The following BCKDHB variants were observed in gnomAD, a reference collection of about 807,000 sequenced individuals.
BCKDHB encodes branched chain keto acid dehydrogenase E1 subunit beta, also known as 2-oxoisovalerate dehydrogenase subunit beta, mitochondrial.
Under a neutral mutation model 48.5 loss-of-function variants are expected in BCKDHB, and 41 were observed. The ratio of observed to expected loss-of-function variants is 0.85; its 90% CI spans 0.66 to 1.10. The LOEUF (loss-of-function observed/expected upper bound fraction) is 1.10. Ranked by LOEUF, BCKDHB falls within the 50% of genes least tolerant of loss-of-function variation. The probability of loss-of-function intolerance (pLI) is 0.00; values close to 1 mark genes in which losing one functional copy is unlikely to be tolerated. For missense variants in BCKDHB, 496 were observed against 494.2 expected, an observed-to-expected ratio of 1.00 and a Z score of -0.03; for synonymous variants, 201 against 174.8, an observed-to-expected ratio of 1.15 and a Z score of -1.18.
chr6:80,289,620 G>A (rs768216248), intron 9 of BCKDHB, among the ~76,000 whole-genome samples: 4 of 152,072 alleles, frequency 2.6e-5, no homozygotes, highest in Admixed American at 6.5e-5. Context: ...TCCCAGCCCC[G>A]AATGGCTCTT....
At chr6:80,198,495 A>G (rs972719331) in intron 6 of BCKDHB, among the ~76,000 whole-genome samples, 1 of 152,206 alleles carries the variant, frequency 6.6e-6, no homozygotes, top group Non-Finnish European at 1.5e-5. Flanking sequence ...GCTCTCACTG[A>G]CACTGATTAT....
the BCKDHB span, among the ~76,000 whole-genome samples, chr6:80,424,614 C>T: frequency 6.6e-6 from 1 of 152,004 alleles, no homozygotes; most frequent in African/African-American, 2.4e-5. Context: ...CCATAAGACC[C>T]CCATTCTTGA....
chr6:80,451,824 G>T, the BCKDHB span, among the ~76,000 whole-genome samples: 1 of 152,052 alleles, frequency 6.6e-6, no homozygotes, highest in East Asian at 1.9e-4. Context: ...TCCTGGGCCA[G>T]TCTTTTCAAG....
intron 8 of BCKDHB, among the ~76,000 whole-genome samples, chr6:80,225,830 A>C (rs913911303): frequency 2.0e-5 from 3 of 152,210 alleles, no homozygotes; most frequent in Non-Finnish European, 4.4e-5. Context: ...CATTTGGTGC[A>C]ATACAACTAG....
the BCKDHB span, among the ~76,000 whole-genome samples, chr6:80,378,612 A>G: frequency 8.5e-5 from 13 of 152,132 alleles, no homozygotes; most frequent in East Asian, 1.9e-3. Flanking sequence ...AGTGCAGGTT[A>G]TTTTGTATAT....
intron 3 of BCKDHB, among the ~76,000 whole-genome samples, chr6:80,136,731 T>C (rs1013881821): frequency 6.6e-6 from 1 of 151,910 alleles, no homozygotes; most frequent in East Asian, 1.9e-4. Context: ...CCAGAATATA[T>C]GGAGAACTTC....
At chr6:80,112,464 C>A (rs1769459826) in intron 1 of BCKDHB, among the ~76,000 whole-genome samples, 1 of 152,200 alleles carries the variant, frequency 6.6e-6, no homozygotes, top group African/African-American at 2.4e-5. Flanking sequence ...GCACCTCCAT[C>A]CCACCTTCCC....
At chr6:80,181,655 C>CT (rs1773418232) in intron 6 of BCKDHB, among the ~76,000 whole-genome samples, 1 of 152,204 alleles carries the variant, frequency 6.6e-6, no homozygotes, top group Admixed American at 6.5e-5. Flanking sequence ...TGCGGGCTGG[C>CT]TCAAGCTTGT....
At chr6:80,459,220 G>T in the BCKDHB span, among the ~76,000 whole-genome samples, 1 of 152,122 alleles carries the variant, frequency 6.6e-6, no homozygotes, top group East Asian at 1.9e-4. Flanking sequence ...CCAAGATGTG[G>T]AAACTATCCA....
At chr6:80,256,337 G>T (rs1777049295) in intron 8 of BCKDHB, among the ~76,000 whole-genome samples, 1 of 152,120 alleles carries the variant, frequency 6.6e-6, no homozygotes, top group Non-Finnish European at 1.5e-5. Flanking sequence ...AGGCTATATG[G>T]TATAGCCTAC....
At chr6:80,459,310 G>A in the BCKDHB span, among the ~76,000 whole-genome samples, 1 of 152,176 alleles carries the variant, frequency 6.6e-6, no homozygotes, top group Admixed American at 6.5e-5. Context: ...TTAACAAGAA[G>A]GAAATTCTTT....
At chr6:80,369,178 C>T in the BCKDHB span, among the ~76,000 whole-genome samples, 1 of 147,538 alleles carries the variant, frequency 6.8e-6, no homozygotes. Context: ...CTTGATATTT[C>T]CAGTGCTTCC....
intron 6 of BCKDHB, among the ~76,000 whole-genome samples, chr6:80,192,092 T>G (rs1180187248): frequency 6.6e-6 from 1 of 152,202 alleles, no homozygotes; most frequent in Non-Finnish European, 1.5e-5. Flanking sequence ...TATGTCTGTG[T>G]CAGTGTGATA....
rs565995087 is a variant in BCKDHB, at chr6:80,184,159, G to A, written c.742+12769G>A. On this transcript the variant is annotated intron_variant, in intron 6 of 9. Coordinates refer to ENST00000320393, the MANE Select transcript of BCKDHB (RefSeq NM_183050.4). ...TTAGATGCATATTATTTAGGATTGT[G>A]ATATTTTCCTGTTGGAGTAGTCCTT... Among the ~76,000 whole-genome samples the A allele has an allele frequency of 2.0e-4, 31 of 152,254 alleles. No homozygotes were observed. The South Asian group carries it at 6.2e-3, about 31-fold the overall frequency.
intron 8 of BCKDHB, among the ~76,000 whole-genome samples, chr6:80,230,280 C>T (rs1434651250): frequency 6.6e-6 from 1 of 151,498 alleles, no homozygotes; most frequent in African/African-American, 2.4e-5. Context: ...CCTCGTGATC[C>T]GCCCGCCTCG....
the BCKDHB span, among the ~76,000 whole-genome samples, chr6:80,432,479 T>A: frequency 6.6e-6 from 1 of 152,146 alleles, no homozygotes; most frequent in Non-Finnish European, 1.5e-5. Flanking sequence ...ATTTGGCTAC[T>A]GATACTTGTG....
At chr6:80,297,501 G>A (rs911237215) in intron 9 of BCKDHB, among the ~76,000 whole-genome samples, 4 of 152,256 alleles carry the variant, frequency 2.6e-5, no homozygotes, top group Middle Eastern at 6.8e-3. Context: ...AGGTCCAGTA[G>A]TTGTAAGATT....
chr6:80,399,502 C>T, the BCKDHB span, among the ~76,000 whole-genome samples: 1 of 151,966 alleles, frequency 6.6e-6, no homozygotes, highest in East Asian at 1.9e-4. Flanking sequence ...TTCACAATTG[C>T]CACAAAAAAT....
At chr6:80,174,010 A>G (rs1050054765) in intron 6 of BCKDHB, among the ~76,000 whole-genome samples, 4 of 152,134 alleles carry the variant, frequency 2.6e-5, no homozygotes, top group Non-Finnish European at 5.9e-5. Flanking sequence ...AGTTAAAAGA[A>G]GGTGCTTTAC....
Sources: allele counts gnomAD v4.1 joint callset (sites outside exome capture counted in the v4.1 genomes callset), GRCh38; gene constraint gnomAD v4.1.1; transcripts MANE v1.5; gene names NCBI Gene and HGNC (gene_info 2026-07-23, HGNC 2026-07-21).